The following MMS22L variants were observed in gnomAD, a reference collection of about 807,000 sequenced individuals.
MMS22L encodes the protein protein MMS22-like.
A neutral mutation model predicts 159.1 loss-of-function variants in MMS22L; 74 were observed. That is an observed-to-expected ratio of 0.47 (90% CI 0.39 to 0.56). MMS22L has a LOEUF of 0.56. Among genes scored for constraint, MMS22L ranks in the 20% least tolerant of loss-of-function variants. MMS22L has a pLI of 0.00. For synonymous variants in MMS22L, 517 were observed against 506.9 expected (o/e 1.02, Z -0.27); for missense variants, 1,351 against 1,422.1 (o/e 0.95, Z 0.80).
At chr6:97,233,837 C>G (rs763857804) in intron 12 of MMS22L, 24 bp downstream of exon 12, 1 of 1,564,266 alleles carries the variant, frequency 6.4e-7, no homozygotes, top group South Asian at 1.2e-5. Flanking sequence ...ATTCCTGGAG[C>G]AAATTCCTAT....
chr6:97,147,433 T>C (rs1331213885), intron 24 of MMS22L, among the ~76,000 whole-genome samples: 1 of 152,246 alleles, frequency 6.6e-6, no homozygotes, highest in Non-Finnish European at 1.5e-5. Flanking sequence ...TTGTGCCTAG[T>C]AGTTATCTCA....
At chr6:97,193,783 C>T (rs184394120) in intron 14 of MMS22L, among the ~76,000 whole-genome samples, 22 of 152,242 alleles carry the variant, frequency 1.4e-4, no homozygotes, top group African/African-American at 4.1e-4. Context: ...TTTTTTGAGA[C>T]GGAGTCTCGC....
At chr6:97,255,380 T>G (rs534237298) in intron 9 of MMS22L, among the ~76,000 whole-genome samples, 2 of 152,234 alleles carry the variant, frequency 1.3e-5, no homozygotes, top group South Asian at 4.1e-4. Flanking sequence ...TAGTATTGAG[T>G]ATTTTTGTAA....
At chr6:97,187,741 A>C (rs1489004530) in intron 14 of MMS22L, among the ~76,000 whole-genome samples, 1 of 152,200 alleles carries the variant, frequency 6.6e-6, no homozygotes, top group Non-Finnish European at 1.5e-5. Context: ...AACATGAAAG[A>C]ACTATACAAA....
chr6:97,242,332 C>T (rs1239202419), intron 11 of MMS22L, among the ~76,000 whole-genome samples: 4 of 152,212 alleles, frequency 2.6e-5, no homozygotes, highest in Admixed American at 2.6e-4. Flanking sequence ...CTGTTGGATA[C>T]TTTTATCATT....
At chr6:97,177,005 T>C (rs1215474711) in intron 18 of MMS22L, among the ~76,000 whole-genome samples, 3 of 152,124 alleles carry the variant, frequency 2.0e-5, no homozygotes, top group Non-Finnish European at 4.4e-5. Flanking sequence ...CCCTAAATCA[T>C]GATGTTCCTA....
At chr6:97,252,519 C>T (rs1300154995) in intron 10 of MMS22L, among the ~76,000 whole-genome samples, 1 of 151,802 alleles carries the variant, frequency 6.6e-6, no homozygotes, top group Non-Finnish European at 1.5e-5. Flanking sequence ...GTGGTGTGTA[C>T]CTGTAATCCC....
chr6:97,242,257 T>C (rs1413192731), intron 11 of MMS22L, among the ~76,000 whole-genome samples: 1 of 152,190 alleles, frequency 6.6e-6, no homozygotes, highest in Non-Finnish European at 1.5e-5. Context: ...CTAGTAATTA[T>C]TTTATAAATT....
intron 13 of MMS22L, among the ~76,000 whole-genome samples, chr6:97,229,631 A>G (rs1238581885): frequency 1.3e-5 from 2 of 152,180 alleles, no homozygotes; most frequent in Non-Finnish European, 1.5e-5. Context: ...AAAGGATTCA[A>G]TGGCTTTCCC....
intron 20 of MMS22L, 39 bp downstream of exon 20, chr6:97,168,032 T>G (rs762375752): frequency 8.7e-7 from 1 of 1,144,136 alleles, no homozygotes; most frequent in South Asian, 1.9e-5. Context: ...AGTTTCAATA[T>G]TTTTTTTTTA....
At chr6:97,154,196 T>C (rs1801608849) in intron 22 of MMS22L, among the ~76,000 whole-genome samples, 1 of 152,192 alleles carries the variant, frequency 6.6e-6, no homozygotes, top group South Asian at 2.1e-4. Flanking sequence ...GTAGTTTTGA[T>C]ATGCATTTCC....
chr6:97,186,468 A>G (rs1805237897), intron 15 of MMS22L, 29 bp downstream of exon 15: 1 of 1,589,286 alleles, frequency 6.3e-7, no homozygotes, highest in Non-Finnish European at 8.6e-7. Flanking sequence ...GCAAAAAGAG[A>G]AATTAGCAAA....
intron 20 of MMS22L, among the ~76,000 whole-genome samples, chr6:97,167,672 A>G (rs1012458462): frequency 1.3e-5 from 2 of 152,026 alleles, no homozygotes; most frequent in Non-Finnish European, 2.9e-5. Context: ...ATATTTTCTT[A>G]AAGCTCATGC....
intron 14 of MMS22L, among the ~76,000 whole-genome samples, chr6:97,205,181 G>A (rs556208459): frequency 2.6e-5 from 4 of 151,636 alleles, no homozygotes; most frequent in African/African-American, 9.7e-5. Context: ...CTGACCTCGT[G>A]ATCTGCCCAT....
chr6:97,176,752 C>A (rs1804163214), intron 18 of MMS22L, among the ~76,000 whole-genome samples: 2 of 152,250 alleles, frequency 1.3e-5, no homozygotes, highest in South Asian at 2.1e-4. Context: ...TTAAGCATAT[C>A]CTGTGTAATT....
chr6:97,143,579 A>T lies in MMS22L; in HGVS notation c.*3227T>A, dbSNP rs1800737108. On this transcript the variant is annotated 3_prime_UTR_variant, in exon 25 of 25. Coordinates refer to ENST00000683635, the MANE Select transcript of MMS22L (RefSeq NM_001350599.2). Reference sequence around the variant, plus strand: ...TAAGGAAATAAGTAGTGCCCAACAGAAAAAACAAACAACCAGTGGATGCAA... The same window carrying T: ...TAAGGAAATAAGTAGTGCCCAACAGTAAAAACAAACAACCAGTGGATGCAA... 1 of 152,260 alleles carries T rather than the reference A, an allele frequency of 6.6e-6. No homozygotes were observed. Among genetic ancestry groups the T allele is most frequent in the South Asian group, 2.1e-4 (1 of 4,826 alleles). The allele number at this position is 152,260 out of a possible 1,614,324, so 9.4% of individuals were successfully genotyped here.
At chr6:97,227,221 T>G (rs962362908) in intron 14 of MMS22L, among the ~76,000 whole-genome samples, 2 of 152,088 alleles carry the variant, frequency 1.3e-5, no homozygotes, top group African/African-American at 4.8e-5. Context: ...TAAAAAGAAT[T>G]AAAAAGGACT....
At chr6:97,197,738 A>G (rs1330707943) in intron 14 of MMS22L, among the ~76,000 whole-genome samples, 1 of 152,212 alleles carries the variant, frequency 6.6e-6, no homozygotes, top group Non-Finnish European at 1.5e-5. Context: ...TGACTAAAAA[A>G]GAAAGTTAGA....
At chr6:97,154,271 A>G (rs1013559804) in intron 22 of MMS22L, among the ~76,000 whole-genome samples, 2 of 152,180 alleles carry the variant, frequency 1.3e-5, no homozygotes, top group African/African-American at 4.8e-5. Flanking sequence ...CTTTGTAGAA[A>G]TGCCTATTCA....
Sources: allele counts gnomAD v4.1 joint callset (sites outside exome capture counted in the v4.1 genomes callset), GRCh38; gene constraint gnomAD v4.1.1; transcripts MANE v1.5; gene names NCBI Gene and HGNC (gene_info 2026-07-23, HGNC 2026-07-21).